The following CDK12 variants were observed in gnomAD, a reference collection of about 807,000 sequenced individuals.
CDK12 encodes the protein cyclin-dependent kinase 12.
Under a neutral mutation model 133.8 loss-of-function variants are expected in CDK12, and 17 were observed. The observed-to-expected ratio is 0.13, with a 90% CI of 0.09 to 0.19. The LOEUF is 0.19. Ranked by LOEUF, CDK12 falls within the 10% of genes least tolerant of loss-of-function variation. The pLI, the probability that CDK12 is intolerant of heterozygous loss-of-function variation, is 1.00. For synonymous variants in CDK12, 694 were observed against 683.6 expected, an observed-to-expected ratio of 1.02 and a Z score of -0.24; for missense variants, 1,508 against 1,818.7, an observed-to-expected ratio of 0.83 and a Z score of 3.11.
At chr17:39,524,616 C>A (rs1394987935) in intron 11 of CDK12, 58 bp from the exon 12 acceptor site, 3 of 1,392,696 alleles carry the variant, frequency 2.2e-6, no homozygotes, top group Non-Finnish European at 3.1e-6. Flanking sequence ...CTTTGCTCCT[C>A]CATTCATTCA....
At chr17:39,544,141 G>A (rs1040457950), upstream of CDK12, 12 of 466,414 alleles carry the variant, frequency 2.6e-5, no homozygotes, top group African/African-American at 1.6e-4. Flanking sequence ...TAACATCACC[G>A]TCACTGTTAC....
intron 3 of CDK12, among the ~76,000 whole-genome samples, chr17:39,557,581 G>T (rs1235922362): frequency 6.6e-6 from 1 of 152,182 alleles, no homozygotes; most frequent in Non-Finnish European, 1.5e-5. Context: ...TAGCAGAAAG[G>T]ATAGAGGGAA....
At position 39,462,252 on chromosome 17, in the gene CDK12, G is replaced by A. The variant is rs2049010328; in HGVS notation, c.181G>A (p.Ala61Thr). The change falls in exon 1 of 14, where the codon GCA becomes ACA. Residue 61 changes from alanine to threonine, a missense_variant. Ala to Thr is a moderately conservative substitution (Grantham distance 58, BLOSUM62 0). Transcript: ENST00000447079. ...CATGGGGTTGGTGACCCCCGAAGCAGCATCCCTGGGCACAGTTATCAAACC... is the reference window on the plus strand; with the variant it reads ...CATGGGGTTGGTGACCCCCGAAGCAACATCCCTGGGCACAGTTATCAAACC... ...KDMGLVTPEA[A>T]SLGTVIKPLV... 7 of 1,614,228 alleles carry A rather than the reference G, an allele frequency of 4.3e-6. No homozygotes were observed. Among genetic ancestry groups the A allele is most frequent in the Non-Finnish European group, 5.9e-6 (7 of 1,180,046 alleles).
At chr17:39,538,898 C>CAAAT (rs58157980), downstream of CDK12, among the ~76,000 whole-genome samples, 57,105 of 143,128 alleles carry the variant, frequency 0.4, 12,499 homozygotes, top group South Asian at 0.59. Context: ...GACTCCATCT[C>CAAAT]AAATAAATAC....
chr17:39,469,799 G>A (rs967201907), intron 1 of CDK12, among the ~76,000 whole-genome samples: 3 of 151,844 alleles, frequency 2.0e-5, no homozygotes, highest in African/African-American at 7.3e-5. Flanking sequence ...CACAACGCCT[G>A]GCTAATTTTG....
chr17:39,462,655 A>G lies in CDK12; in HGVS notation c.584A>G (p.Lys195Arg). 6.2e-7 allele frequency: 1 copy of G among 1,614,176 alleles called. No homozygotes were observed. ...GAACGGGAGCTGAAGTCTGGGCACA[A>G]AGACCGGAGTAAAAGTCATCGAAAA... Reference protein sequence around the residue: ...RKERELKSGHKDRSKSHRKRE... With the variant: ...RKERELKSGHRDRSKSHRKRE... The change falls in exon 1 of 14, where the codon AAA becomes AGA. Residue 195 changes from lysine (K) to arginine (R), a missense_variant. This residue lies in a region of CDK12 where 460 missense variants were observed against 490.8 expected (regional missense o/e 0.94). Transcript: ENST00000447079.
rs1567730155 is a variant in CDK12, at chr17:39,495,391, T to TTTG, written c.2419+699_2419+700insGTT. ...CCATGACTGGCCTCATGTGTTTTTT[T>TTTG]TTTTTTTTTTTTTTTTTTTTTTTTT... On this transcript the variant is annotated intron_variant, in intron 5 of 13. Coordinates refer to ENST00000447079, the MANE Select transcript of CDK12 (RefSeq NM_016507.4). 2.5e-5 allele frequency among the ~76,000 whole-genome samples: 3 copies of TTTG among 121,668 alleles called. 1 individual carries two copies. The highest frequency in any genetic ancestry group is 1.7e-5 in the Non-Finnish European group (1 of 58,036). 79.8% of individuals were successfully genotyped at this position (121,668 alleles called of 152,430 possible). A position where few individuals can be genotyped will look rare whatever the true frequency, so the allele number is the denominator to read the frequency against.
At chr17:39,483,568 A>G (rs969588274) in intron 2 of CDK12, among the ~76,000 whole-genome samples, 1 of 151,954 alleles carries the variant, frequency 6.6e-6, no homozygotes, top group Non-Finnish European at 1.5e-5. Flanking sequence ...CTGGTCTGAA[A>G]TCATGTTTTA....
chr17:39,482,877 C>T (rs1331571826), intron 2 of CDK12, among the ~76,000 whole-genome samples: 2 of 150,546 alleles, frequency 1.3e-5, no homozygotes, highest in African/African-American at 2.4e-5. Flanking sequence ...GCTGGGATTA[C>T]AGGTGAGAGC....
At chr17:39,495,433 A>G (rs2052020666) in intron 5 of CDK12, among the ~76,000 whole-genome samples, 1 of 141,820 alleles carries the variant, frequency 7.1e-6, no homozygotes, top group African/African-American at 2.7e-5. Flanking sequence ...TAATAAGTGA[A>G]TGAATGGATA....
At chr17:39,483,942 A>G (rs2050925773) in intron 2 of CDK12, among the ~76,000 whole-genome samples, 1 of 151,964 alleles carries the variant, frequency 6.6e-6, no homozygotes, top group African/African-American at 2.4e-5. Context: ...CTCCAGGTTC[A>G]AGTGATTCTC....
chr17:39,544,387 C>T, upstream of CDK12: 1 of 471,084 alleles, frequency 2.1e-6, no homozygotes, highest in Non-Finnish European at 4.3e-6. Flanking sequence ...AATCAGAGGT[C>T]ACTGGCCTGC....
chr17:39,542,885 G>A (rs763342909), upstream of CDK12, among the ~76,000 whole-genome samples: 2 of 152,198 alleles, frequency 1.3e-5, no homozygotes, highest in Non-Finnish European at 2.9e-5. Context: ...GGTTCATTGG[G>A]AAGCAGATGG....
At chr17:39,492,097 TTC>T (rs2051664396) in intron 3 of CDK12, among the ~76,000 whole-genome samples, 1 of 149,812 alleles carries the variant, frequency 6.7e-6, no homozygotes. Context: ...TCATTTTCTT[TTC>T]TTTTTTTTTT....
intron 9 of CDK12, among the ~76,000 whole-genome samples, 190 bp downstream of exon 9, chr17:39,515,998 T>A (rs1255944443): frequency 6.6e-6 from 1 of 152,250 alleles, no homozygotes; most frequent in Non-Finnish European, 1.5e-5. Flanking sequence ...TTTCACCTAA[T>A]TTTTAGATCT....
intron 2 of CDK12, among the ~76,000 whole-genome samples, chr17:39,475,731 G>C (rs1421644708): frequency 6.6e-6 from 1 of 151,698 alleles, no homozygotes; most frequent in Non-Finnish European, 1.5e-5. Flanking sequence ...ATTTTTAGTA[G>C]AGACAGGGTT....
At chr17:39,552,860 C>G (rs1012603644) in intron 2 of CDK12, among the ~76,000 whole-genome samples, 6 of 152,160 alleles carry the variant, frequency 3.9e-5, no homozygotes, top group Admixed American at 2.0e-4. Flanking sequence ...TCCCAAGTAC[C>G]TGGGATTATA....
intron 2 of CDK12, among the ~76,000 whole-genome samples, chr17:39,485,169 CAAAAA>C (rs564188686): frequency 1.3e-5 from 1 of 75,060 alleles, no homozygotes; most frequent in South Asian, 4.2e-4. Context: ...GACTCTGTCT[CAAAAA>C]AAAAAAAAAA....
chr17:39,517,859 G>GT (rs1418310516), intron 10 of CDK12, among the ~76,000 whole-genome samples: 1 of 151,942 alleles, frequency 6.6e-6, no homozygotes, highest in African/African-American at 2.4e-5. Context: ...TTGTTTGTTT[G>GT]TTTTTTAAAT....
Sources: allele counts gnomAD v4.1 joint callset (sites outside exome capture counted in the v4.1 genomes callset), GRCh38; gene constraint gnomAD v4.1.1; regional missense constraint gnomAD v4.1.1; transcripts MANE v1.5; gene names NCBI Gene and HGNC (gene_info 2026-07-23, HGNC 2026-07-21).